GNAI2: variants seen among roughly 807,000 people sequenced by gnomAD.
GNAI2 encodes the protein G protein subunit alpha i2, also known as guanine nucleotide-binding protein G(i) subunit alpha-2.
A neutral mutation model predicts 36.8 loss-of-function variants in GNAI2; 4 were observed. That is an observed-to-expected ratio of 0.11 (90% CI 0.05 to 0.25). GNAI2 has a LOEUF of 0.25. Ranked by LOEUF, GNAI2 falls within the 10% of genes least tolerant of loss-of-function variation. The probability of loss-of-function intolerance (pLI) is 1.00; values close to 1 mark genes in which losing one functional copy is unlikely to be tolerated. For synonymous variants in GNAI2, 194 were observed against 194.1 expected, an observed-to-expected ratio of 1.00 and a Z score of 0.01; for missense variants, 230 against 481.3, an observed-to-expected ratio of 0.48 and a Z score of 4.89.
In GNAI2 at chr3:50,253,637, A is replaced by G; in HGVS notation, c.464+453A>G. Among the ~76,000 whole-genome samples, 1 of 152,142 alleles carries G rather than the reference A, an allele frequency of 6.6e-6. No homozygotes were observed. Among genetic ancestry groups the G allele is most frequent in the East Asian group, 1.9e-4 (1 of 5,192 alleles). On this transcript the variant is annotated intron_variant, in intron 4 of 8. Coordinates refer to ENST00000313601, the MANE Select transcript of GNAI2 (RefSeq NM_002070.4). The surrounding 1 kb of genome is among the most constrained non-coding windows in gnomAD (Gnocchi z 4.2). ...AGGGCGCCTGTAGTCCCAGCTACTC[A>G]GGAGGCTGAGGCAGGAGAATGGCGT...
Position 50,257,732 on chromosome 3 carries a change from T to A in GNAI2, c.*24+18T>A. On this transcript the variant is annotated intron_variant, in intron 8 of 8. Transcript: ENST00000313601. ...GCGGGATGGTGAGCCAGAGGGGCTG[T>A]GGCAGGGTGCTGGGGAAGAACTAAG... 9.4e-7 allele frequency: 1 copy of A among 1,060,194 alleles called. No individual in the cohort carries two copies. 65.7% of individuals were successfully genotyped at this position (1,060,194 alleles called of 1,614,324 possible).
intron 7 of GNAI2, 119 bp from the exon 8 acceptor site, chr3:50,257,381 T>C (rs1700726861): frequency 3.0e-6 from 2 of 670,764 alleles, no homozygotes; most frequent in East Asian, 2.7e-5. Context: ...TGTCATATTA[T>C]GCACATGCAT....
chr3:50,242,432 T>C lies in GNAI2; in HGVS notation c.118+5979T>C, dbSNP rs1700319676. The stretch of plus-strand genomic sequence containing the variant: ...CAGGCCACTGCTGATACACCCTGCC[T>C]AAGAGTGCTCTGCAAGGTGCTTTGG... On this transcript the variant is annotated intron_variant, in intron 1 of 8. Coordinates refer to ENST00000313601, the MANE Select transcript of GNAI2 (RefSeq NM_002070.4). This position sits in a 1 kb window ranked among gnomAD's most constrained non-coding sequence, Gnocchi z 4.8. Among the ~76,000 whole-genome samples, 1 of 152,160 alleles carries C rather than the reference T, an allele frequency of 6.6e-6. No individual in the cohort carries two copies. Among genetic ancestry groups the C allele is most frequent in the African/African-American group, 2.4e-5 (1 of 41,432 alleles).
chr3:50,248,121 G>A (rs1447536329), intron 1 of GNAI2, among the ~76,000 whole-genome samples: 5 of 152,244 alleles, frequency 3.3e-5, no homozygotes, highest in African/African-American at 1.2e-4. Flanking sequence ...TGTAGTCCCA[G>A]CTACTGGGGA....
chr3:50,245,024 G>A (rs1553701573), intron 1 of GNAI2, among the ~76,000 whole-genome samples: 2 of 149,492 alleles, frequency 1.3e-5, no homozygotes, highest in African/African-American at 2.5e-5. Flanking sequence ...CTGAGACTGA[G>A]TTTCGCTCTT....
At chr3:50,251,453 G>C in intron 1 of GNAI2, 1 of 1,052,388 alleles carries the variant, frequency 9.5e-7, no homozygotes, top group Non-Finnish European at 1.2e-6. Flanking sequence ...TACGCCGCAG[G>C]TCTCCCAGAT....
At chr3:50,233,500 C>T (rs587693645), upstream of GNAI2, among the ~76,000 whole-genome samples, 7 of 152,326 alleles carry the variant, frequency 4.6e-5, no homozygotes, top group South Asian at 1.4e-3. Context: ...GAGGGTCCCA[C>T]CTTGGAAGCC....
chr3:50,256,145 G>A (rs782183310), intron 4 of GNAI2, 47 bp from the exon 5 acceptor site: 1 of 1,177,938 alleles, frequency 8.5e-7, no homozygotes, highest in South Asian at 1.2e-5. Context: ...TCCAGCTAAG[G>A]AAGCCCCATG....
Position 50,253,016 on chromosome 3 carries a change from G to T in GNAI2, c.304-8G>T. On this transcript the variant is annotated splice_polypyrimidine_tract_variant and splice_region_variant and intron_variant, in intron 3 of 8. Coordinates refer to ENST00000313601, the MANE Select transcript of GNAI2 (RefSeq NM_002070.4). The surrounding 1 kb of genome is among the most constrained non-coding windows in gnomAD (Gnocchi z 4.2). ...TTCAACTGCCTGACCACCCGCCACTGTGCCCAGGACGACGCCAGGCAGCTA... is the reference window on the plus strand; with the variant it reads ...TTCAACTGCCTGACCACCCGCCACTTTGCCCAGGACGACGCCAGGCAGCTA... 1 of 1,575,326 alleles carries T rather than the reference G, an allele frequency of 6.3e-7. No individual in the cohort carries two copies. Among genetic ancestry groups the T allele is most frequent in the Non-Finnish European group, 8.7e-7 (1 of 1,151,736 alleles).
chr3:50,233,783 G>C (rs1700109611), upstream of GNAI2, among the ~76,000 whole-genome samples: 1 of 152,170 alleles, frequency 6.6e-6, no homozygotes, highest in South Asian at 2.1e-4. Context: ...AGGACTTCCA[G>C]GCCAATGACC....
intron 4 of GNAI2, 145 bp from the exon 5 acceptor site, chr3:50,256,047 A>C: frequency 5.1e-6 from 1 of 194,818 alleles, no homozygotes; most frequent in Admixed American, 6.0e-5. Flanking sequence ...TCTGTCTCAA[A>C]AAAAAAAAAA....
At chr3:50,233,761 G>A (rs1338519167), upstream of GNAI2, among the ~76,000 whole-genome samples, 1 of 152,164 alleles carries the variant, frequency 6.6e-6, no homozygotes, top group Admixed American at 6.5e-5. Context: ...GGGGGCCTGA[G>A]GGAGTCATTG....
intron 1 of GNAI2, chr3:50,246,979 T>C: frequency 6.8e-7 from 1 of 1,475,930 alleles, no homozygotes. Context: ...CCGCTGTCCA[T>C]TGCTCTTCAT....
Position 50,252,165 on chromosome 3 carries a change from A to G in GNAI2, c.161+23A>G, listed in dbSNP as rs1700574366. On this transcript the variant is annotated intron_variant, in intron 2 of 8. Transcript: ENST00000313601. The surrounding 1 kb of genome is among the most constrained non-coding windows in gnomAD (Gnocchi z 4.1). ...GAAGTAAGTGCTGTATTCCAGAGGC[A>G]GTGCTCAAACTCCAGCTTCCCCTCT... The G allele has an allele frequency of 1.9e-6, 3 of 1,610,182 alleles. No homozygotes were observed. The highest frequency in any genetic ancestry group is 2.2e-5 in the South Asian group (2 of 90,950).
chr3:50,227,716 G>C (rs1216384296), upstream of GNAI2, among the ~76,000 whole-genome samples: 1 of 152,220 alleles, frequency 6.6e-6, no homozygotes, highest in African/African-American at 2.4e-5. This position sits in a 1 kb window ranked among gnomAD's most constrained non-coding sequence, Gnocchi z 5.9. Flanking sequence ...GGTTGCACTG[G>C]GAGTGGACAA....
rs1553703040 is a variant in GNAI2, at chr3:50,255,554, C to A, written c.465-638C>A. 6.6e-6 allele frequency among the ~76,000 whole-genome samples: 1 copy of A among 152,206 alleles called. No homozygotes were observed. Among genetic ancestry groups the A allele is most frequent in the African/African-American group, 2.4e-5 (1 of 41,454 alleles). ...GAAGGACTAATTTGCCTCCTCCCAC[C>A]CTCTTTGCCTATAGCTCCAACATCC... is the stretch of plus-strand genomic sequence containing the variant. On this transcript the variant is annotated intron_variant, in intron 4 of 8. Transcript: ENST00000313601. This position sits in a 1 kb window ranked among gnomAD's most constrained non-coding sequence, Gnocchi z 4.0.
chr3:50,252,270 G>A lies in GNAI2; in HGVS notation c.162-127G>A. On this transcript the variant is annotated intron_variant, in intron 2 of 8. Coordinates refer to ENST00000313601, the MANE Select transcript of GNAI2 (RefSeq NM_002070.4). This position sits in a 1 kb window ranked among gnomAD's most constrained non-coding sequence, Gnocchi z 4.1. ...GCCCAGAATCTTCTGAGAAGCAGAA[G>A]GACCCTCAGGTCCCAGTGGGTCAGG... is the stretch of plus-strand genomic sequence containing the variant. The A allele has an allele frequency of 7.3e-7, 1 of 1,378,440 alleles. No individual in the cohort carries two copies. Among genetic ancestry groups the A allele is most frequent in the Non-Finnish European group, 1.0e-6 (1 of 975,524 alleles). The allele number at this position is 1,378,440 out of a possible 1,614,324, so 85.4% of individuals were successfully genotyped here.
chr3:50,255,551 C>T lies in GNAI2; in HGVS notation c.465-641C>T, dbSNP rs587758814. On this transcript the variant is annotated intron_variant, in intron 4 of 8. Coordinates refer to ENST00000313601, the MANE Select transcript of GNAI2 (RefSeq NM_002070.4). The surrounding 1 kb of genome is among the most constrained non-coding windows in gnomAD (Gnocchi z 4.0). Reference sequence around the variant, plus strand: ...ACCGAAGGACTAATTTGCCTCCTCCCACCCTCTTTGCCTATAGCTCCAACA... The same window carrying T: ...ACCGAAGGACTAATTTGCCTCCTCCTACCCTCTTTGCCTATAGCTCCAACA... Among the ~76,000 whole-genome samples, 4 of 152,348 alleles carry T rather than the reference C, an allele frequency of 2.6e-5. No homozygotes were observed. The South Asian group carries it at 8.3e-4, about 32-fold the overall frequency.
At position 50,253,292 on chromosome 3, in the gene GNAI2, A is replaced by T; in HGVS notation, c.464+108A>T. 1.3e-6 allele frequency: 1 copy of T among 770,100 alleles called. No individual in the cohort carries two copies. Among genetic ancestry groups the T allele is most frequent in the Admixed American group, 2.5e-5 (1 of 40,410 alleles). The allele number at this position is 770,100 out of a possible 1,614,324, so 47.7% of individuals were successfully genotyped here. A position where few individuals can be genotyped will look rare whatever the true frequency, so the allele number is the denominator to read the frequency against. On this transcript the variant is annotated intron_variant, in intron 4 of 8. Transcript: ENST00000313601. The surrounding 1 kb of genome is among the most constrained non-coding windows in gnomAD (Gnocchi z 4.2). The stretch of plus-strand genomic sequence containing the variant: ...AGAAGGACACTGCTGGTCTTTGCTT[A>T]TGAAACCGATGACTGTTAACCAAGG...
Sources: allele counts gnomAD v4.1 joint callset (sites outside exome capture counted in the v4.1 genomes callset), GRCh38; gene constraint gnomAD v4.1.1; non-coding constraint Gnocchi (gnomAD v3.1); transcripts MANE v1.5; gene names NCBI Gene and HGNC (gene_info 2026-07-23, HGNC 2026-07-21).